The following GABRB3 variants were observed in gnomAD, a reference collection of about 807,000 sequenced individuals.
GABRB3 encodes the protein gamma-aminobutyric acid receptor subunit beta-3.
Under a neutral mutation model 52.1 loss-of-function variants are expected in GABRB3, and 14 were observed. The observed-to-expected ratio is 0.27, with a 90% confidence interval of 0.18 to 0.42. The LOEUF (loss-of-function observed/expected upper bound fraction) is 0.42. GABRB3 is among the 10% of genes least tolerant of loss of function. The pLI is 1.00. For synonymous variants in GABRB3, 260 were observed against 232.3 expected, an observed-to-expected ratio of 1.12 and a Z score of -1.08; for missense variants, 307 against 609.1, an observed-to-expected ratio of 0.50 and a Z score of 5.22.
At chr15:26,551,908 G>T (rs978886659) in intron 8 of GABRB3, among the ~76,000 whole-genome samples, 3 of 152,158 alleles carry the variant, frequency 2.0e-5, no homozygotes, top group South Asian at 2.1e-4. Flanking sequence ...GGGGAGGTGA[G>T]GAGGGCATTT....
chr15:26,659,188 G>A (rs374718305), intron 3 of GABRB3, among the ~76,000 whole-genome samples: 92 of 152,300 alleles, frequency 6.0e-4, no homozygotes, highest in African/African-American at 2.1e-3. Flanking sequence ...GCTTGTTGAA[G>A]TTTCATTTTC....
chr15:26,759,081 C>A (rs985721960), intron 3 of GABRB3, among the ~76,000 whole-genome samples: 1 of 152,304 alleles, frequency 6.6e-6, no homozygotes. Context: ...TGCACATCCA[C>A]CTTTTTCCTA....
chr15:26,772,709 G>A lies in GABRB3; in HGVS notation c.144C>T (p.Tyr48=), dbSNP rs868652432. 10 of 1,579,048 alleles carry A rather than the reference G, an allele frequency of 6.3e-6. No homozygotes were observed. Among genetic ancestry groups the A allele is most frequent in the Non-Finnish European group, 8.6e-6 (10 of 1,162,354 alleles). The change falls in exon 2 of 9, where the codon TAC becomes TAT. Residue 48 remains tyrosine, a synonymous_variant. Coordinates refer to ENST00000311550, the MANE Select transcript of GABRB3 (RefSeq NM_000814.6). The stretch of plus-strand genomic sequence containing the variant: ...CGAAGTCGGGTCTTAGGCGAATGTC[G>A]TAGCCTTTCAACAGCTTGTCCACCG... ...KETVDKLLKG[Y]DIRLRPDFGG... is the part of the protein sequence containing the mutation.
intron 3 of GABRB3, among the ~76,000 whole-genome samples, chr15:26,746,250 C>T (rs1435350531): frequency 6.6e-6 from 1 of 151,812 alleles, no homozygotes. Flanking sequence ...TATTGGCCAT[C>T]TGTATATACT....
intron 6 of GABRB3, among the ~76,000 whole-genome samples, chr15:26,578,663 A>C (rs916185453): frequency 6.6e-6 from 1 of 152,206 alleles, no homozygotes; most frequent in African/African-American, 2.4e-5. Context: ...AAATGCAGTA[A>C]GAAATCCTCA....
At chr15:26,708,918 A>G (rs1177372726) in intron 3 of GABRB3, among the ~76,000 whole-genome samples, 1 of 152,234 alleles carries the variant, frequency 6.6e-6, no homozygotes, top group Non-Finnish European at 1.5e-5. Flanking sequence ...ATCACATAGA[A>G]GCACATAACT....
At chr15:26,609,792 A>G (rs1228340142) in intron 4 of GABRB3, among the ~76,000 whole-genome samples, 1 of 152,192 alleles carries the variant, frequency 6.6e-6, no homozygotes, top group Admixed American at 6.5e-5. Flanking sequence ...TGTGCTTACC[A>G]TAAAAAAAGT....
At chr15:26,743,086 C>T (rs768820293) in intron 3 of GABRB3, among the ~76,000 whole-genome samples, 1 of 151,968 alleles carries the variant, frequency 6.6e-6, no homozygotes, top group South Asian at 2.1e-4. Flanking sequence ...CGCACCAACA[C>T]GCCAGGCCAA....
At chr15:26,658,291 AT>A (rs1453022969) in intron 3 of GABRB3, among the ~76,000 whole-genome samples, 1 of 152,140 alleles carries the variant, frequency 6.6e-6, no homozygotes. Flanking sequence ...TAATTTTTTA[AT>A]TGTGGGGGGA....
At chr15:26,773,379 A>G (rs1344331512), upstream of GABRB3, among the ~76,000 whole-genome samples, 2 of 149,718 alleles carry the variant, frequency 1.3e-5, no homozygotes, top group African/African-American at 4.9e-5. Context: ...CGGAGTCGGG[A>G]GGGGCGGGGG....
rs531368795 is a variant in GABRB3, at chr15:26,760,517, G to C, written c.240+11885C>G. On this transcript the variant is annotated intron_variant, in intron 3 of 8. Coordinates refer to ENST00000311550, the MANE Select transcript of GABRB3 (RefSeq NM_000814.6). ...CCTGAAGTATGGAGGAAATTGCCTA[G>C]ATAATTAACATTCCAAACAGTTTAT... is the stretch of plus-strand genomic sequence containing the variant. 5.9e-5 allele frequency among the ~76,000 whole-genome samples: 9 copies of C among 152,276 alleles called. 1 individual carries two copies. The highest frequency in any genetic ancestry group is 2.2e-4 in the African/African-American group (9 of 41,556).
chr15:26,740,604 TG>T (rs1890178055), intron 3 of GABRB3, among the ~76,000 whole-genome samples: 1 of 152,146 alleles, frequency 6.6e-6, no homozygotes, highest in Non-Finnish European at 1.5e-5. Flanking sequence ...AACCTCCCTC[TG>T]TCCCGTGGGC....
At chr15:26,591,256 G>A (rs558104295) in intron 4 of GABRB3, among the ~76,000 whole-genome samples, 42 of 152,286 alleles carry the variant, frequency 2.8e-4, no homozygotes, top group East Asian at 2.5e-3. Flanking sequence ...TAACCGATAC[G>A]ATAGTCAACA....
intron 3 of GABRB3, among the ~76,000 whole-genome samples, chr15:26,659,395 G>A (rs562413627): frequency 1.2e-3 from 179 of 151,992 alleles, no homozygotes; most frequent in Middle Eastern, 6.8e-3. Flanking sequence ...GGTGGGGAGC[G>A]CCTTTAATCC....
At chr15:26,673,083 G>T (rs1195645424) in intron 3 of GABRB3, among the ~76,000 whole-genome samples, 1 of 152,088 alleles carries the variant, frequency 6.6e-6, no homozygotes, top group Non-Finnish European at 1.5e-5. Flanking sequence ...GTTTTCCTGG[G>T]GTCACTCTTT....
intron 3 of GABRB3, among the ~76,000 whole-genome samples, chr15:26,661,409 A>G (rs935007470): frequency 1.3e-5 from 2 of 152,190 alleles, no homozygotes; most frequent in Non-Finnish European, 2.9e-5. Flanking sequence ...CACACTTGGT[A>G]TCTGAGAGCC....
At chr15:26,565,631 A>C (rs1266897576) in intron 7 of GABRB3, among the ~76,000 whole-genome samples, 3 of 152,214 alleles carry the variant, frequency 2.0e-5, no homozygotes, top group Admixed American at 2.0e-4. Context: ...GGTTGAATGT[A>C]ACTCACTTCC....
intron 3 of GABRB3, 47 bp downstream of exon 3, chr15:26,772,355 C>T (rs1196954336): frequency 1.3e-6 from 2 of 1,528,778 alleles, no homozygotes; most frequent in South Asian, 2.3e-5. Context: ...TGATCCCAGA[C>T]AGCGGGCCGG....
chr15:26,603,566 T>A (rs963040651), intron 4 of GABRB3, among the ~76,000 whole-genome samples: 35 of 152,048 alleles, frequency 2.3e-4, no homozygotes, highest in African/African-American at 8.2e-4. Context: ...GTTAAAACAA[T>A]CATTTATCAA....
Sources: gnomAD v4.1 joint callset for allele counts (sites outside exome capture counted in the v4.1 genomes callset) on GRCh38, gnomAD v4.1.1 for gene constraint, MANE v1.5 for transcripts, NCBI Gene and HGNC (gene_info 2026-07-23, HGNC 2026-07-21) for gene names.